SNX29: variants seen among roughly 807,000 people sequenced by gnomAD.
SNX29 encodes the protein sorting nexin 29.
SNX29 carries 78 observed loss-of-function variants against 102.1 expected under a neutral mutation model. The ratio of observed to expected loss-of-function variants is 0.76; its 90% CI spans 0.64 to 0.92. SNX29 has a LOEUF of 0.92. SNX29 is among the 40% of genes least tolerant of loss of function. SNX29 has a pLI of 0.00. For synonymous variants in SNX29, 580 were observed against 414.5 expected (o/e 1.40, Z -4.85); for missense variants, 1,280 against 1,061.7 (o/e 1.21, Z -2.86).
At chr16:12,302,109 T>C (rs1022495168) in intron 15 of SNX29, among the ~76,000 whole-genome samples, 11 of 152,164 alleles carry the variant, frequency 7.2e-5, no homozygotes, top group African/African-American at 2.7e-4. Flanking sequence ...TGTGACCCAG[T>C]GATCTAAGAC....
At chr16:12,311,828 TGA>T (rs1344882435) in intron 15 of SNX29, among the ~76,000 whole-genome samples, 1 of 152,138 alleles carries the variant, frequency 6.6e-6, no homozygotes, top group Non-Finnish European at 1.5e-5. Context: ...CTTGTTTTAG[TGA>T]GAGTGTTGGT....
chr16:12,348,743 A>G (rs1365835523), intron 15 of SNX29, among the ~76,000 whole-genome samples: 2 of 152,142 alleles, frequency 1.3e-5, no homozygotes, highest in Non-Finnish European at 1.5e-5. Flanking sequence ...TCCGAATCCC[A>G]GTTCTGCTGC....
chr16:12,288,895 G>C (rs1198774361), intron 15 of SNX29, among the ~76,000 whole-genome samples: 4 of 152,110 alleles, frequency 2.6e-5, no homozygotes, highest in Non-Finnish European at 4.4e-5. Flanking sequence ...TTGACCCCCT[G>C]ACTGACCCCA....
chr16:12,076,561 C>G (rs915801243), intron 10 of SNX29, among the ~76,000 whole-genome samples: 1 of 152,158 alleles, frequency 6.6e-6, no homozygotes, highest in Non-Finnish European at 1.5e-5. Context: ...CTTGGCCTCC[C>G]AAAGTGCTGG....
chr16:12,334,659 G>A (rs1033815559), intron 15 of SNX29, among the ~76,000 whole-genome samples: 1 of 152,136 alleles, frequency 6.6e-6, no homozygotes, highest in Non-Finnish European at 1.5e-5. Flanking sequence ...TGACAATGCT[G>A]AACATTCGGG....
chr16:12,443,588 C>G (rs1035141963), intron 18 of SNX29, among the ~76,000 whole-genome samples: 4 of 152,194 alleles, frequency 2.6e-5, no homozygotes, highest in Non-Finnish European at 5.9e-5. Flanking sequence ...TTAGCTGGAA[C>G]TACAGACATG....
intron 14 of SNX29, among the ~76,000 whole-genome samples, chr16:12,258,556 G>A (rs765236955): frequency 3.6e-4 from 54 of 152,102 alleles, no homozygotes; most frequent in Non-Finnish European, 5.4e-4. Context: ...TTTGCTGCAA[G>A]CCAGATGTAA....
At chr16:12,008,639 C>G (rs1295730392) in intron 3 of SNX29, among the ~76,000 whole-genome samples, 1 of 152,034 alleles carries the variant, frequency 6.6e-6, no homozygotes, top group Non-Finnish European at 1.5e-5. Flanking sequence ...TTTCGTATGC[C>G]TCTCTTTTTT....
At chr16:12,521,112 G>A (rs978541205) in intron 19 of SNX29, among the ~76,000 whole-genome samples, 2 of 152,094 alleles carry the variant, frequency 1.3e-5, no homozygotes, top group Admixed American at 6.5e-5. Flanking sequence ...CCTGGGAGGC[G>A]GAGGTTGCAG....
chr16:12,238,125 C>T (rs542913778), intron 14 of SNX29, among the ~76,000 whole-genome samples: 4 of 152,058 alleles, frequency 2.6e-5, no homozygotes, highest in African/African-American at 9.6e-5. Flanking sequence ...AGGCCAGTGG[C>T]CTTTAGACCT....
intron 3 of SNX29, among the ~76,000 whole-genome samples, chr16:12,003,350 A>C (rs2151026153): frequency 6.6e-6 from 1 of 152,322 alleles, no homozygotes; most frequent in East Asian, 1.9e-4. Flanking sequence ...TAATTATGAG[A>C]ACTTGGATGC....
chr16:12,476,425 T>C (rs1310348067), intron 18 of SNX29, among the ~76,000 whole-genome samples: 58 of 80,290 alleles, frequency 7.2e-4, no homozygotes, highest in African/African-American at 2.6e-3. Context: ...TATATATATA[T>C]ATATATATAT....
At position 12,098,466 on chromosome 16, in the gene SNX29, C is replaced by A. The variant is rs1013962332; in HGVS notation, c.1402+19551C>A. ...TGGAGCTCCCACTTGCAGTGGCCAC[C>A]GCGTGCCCTTTGATGGGACGTTACA... is the stretch of plus-strand genomic sequence containing the variant. On this transcript the variant is annotated intron_variant, in intron 11 of 20. Coordinates refer to ENST00000566228, the MANE Select transcript of SNX29 (RefSeq NM_032167.5). This position sits in a 1 kb window ranked among gnomAD's most constrained non-coding sequence, Gnocchi z 6.0. 6.6e-6 allele frequency among the ~76,000 whole-genome samples: 1 copy of A among 152,172 alleles called. No individual in the cohort carries two copies.
chr16:12,065,254 G>T (rs1240263093), intron 9 of SNX29, among the ~76,000 whole-genome samples: 1 of 152,174 alleles, frequency 6.6e-6, no homozygotes, highest in Non-Finnish European at 1.5e-5. Flanking sequence ...ACCATGCGTG[G>T]TTCCTCTGGG....
chr16:12,068,496 T>G, intron 9 of SNX29, among the ~76,000 whole-genome samples: 1 of 31,094 alleles, frequency 3.2e-5, no homozygotes, highest in Non-Finnish European at 5.8e-5. Flanking sequence ...AGACCCTGTC[T>G]CAAAAAAAAA....
intron 14 of SNX29, among the ~76,000 whole-genome samples, chr16:12,274,724 G>A (rs2079193390): frequency 6.6e-6 from 1 of 151,996 alleles, no homozygotes; most frequent in African/African-American, 2.4e-5. Context: ...TTTTGCAGAG[G>A]TGGGGCTTCA....
chr16:12,383,702 C>T (rs949275760), intron 16 of SNX29, among the ~76,000 whole-genome samples: 6 of 149,742 alleles, frequency 4.0e-5, no homozygotes, highest in African/African-American at 9.9e-5. Flanking sequence ...TCTCAAAGTG[C>T]TAGGATTACA....
chr16:12,555,421 G>T (rs1309719979), intron 20 of SNX29, among the ~76,000 whole-genome samples: 1 of 152,068 alleles, frequency 6.6e-6, no homozygotes, highest in Non-Finnish European at 1.5e-5. Context: ...CCCTCAGGTT[G>T]CTTTGTAGGA....
At chr16:12,541,707 T>G (rs1035742084) in intron 20 of SNX29, among the ~76,000 whole-genome samples, 4 of 152,154 alleles carry the variant, frequency 2.6e-5, no homozygotes, top group Non-Finnish European at 5.9e-5. Flanking sequence ...GGGAGTGGGT[T>G]CCTGATTCCT....
Sources: allele counts gnomAD v4.1 joint callset (sites outside exome capture counted in the v4.1 genomes callset), GRCh38; gene constraint gnomAD v4.1.1; non-coding constraint Gnocchi (gnomAD v3.1); transcripts MANE v1.5; gene names NCBI Gene and HGNC (gene_info 2026-07-23, HGNC 2026-07-21).